NEK6: variants seen among roughly 807,000 people sequenced by gnomAD.
The protein encoded by NEK6 is serine/threonine-protein kinase Nek6.
In NEK6, 27 loss-of-function variants were observed where a neutral mutation model predicts 43.5. The ratio of observed to expected loss-of-function variants is 0.62; its 90% confidence interval spans 0.46 to 0.86. The LOEUF is 0.86. Among genes scored for constraint, NEK6 ranks in the 40% least tolerant of loss-of-function variants. The pLI, the probability that NEK6 is intolerant of heterozygous loss-of-function variation, is 0.00. For synonymous variants in NEK6, 167 were observed against 164.1 expected (o/e 1.02, Z -0.14); for missense variants, 318 against 414.4 (o/e 0.77, Z 2.02).
intron 7 of NEK6, among the ~76,000 whole-genome samples, chr9:124,329,992 A>G (rs1360889628): frequency 6.6e-6 from 1 of 152,200 alleles, no homozygotes; most frequent in Admixed American, 6.5e-5. Flanking sequence ...ACGTTGCCCC[A>G]GCAACCACCT....
At chr9:124,304,850 T>A (rs1833175034) in intron 2 of NEK6, among the ~76,000 whole-genome samples, 1 of 152,188 alleles carries the variant, frequency 6.6e-6, no homozygotes, top group South Asian at 2.1e-4. Flanking sequence ...CTGAACATAC[T>A]TGCTTTTATA....
chr9:124,274,654 G>A (rs1053916695), intron 1 of NEK6, among the ~76,000 whole-genome samples: 16 of 152,200 alleles, frequency 1.1e-4, no homozygotes, highest in African/African-American at 3.9e-4. Flanking sequence ...GCAGACATCT[G>A]GAGGGTTTTT....
chr9:124,341,068 G>C (rs538529954), intron 8 of NEK6, among the ~76,000 whole-genome samples: 1 of 152,178 alleles, frequency 6.6e-6, no homozygotes, highest in African/African-American at 2.4e-5. Flanking sequence ...TTGAGACAGA[G>C]TCTCACTCTT....
intron 1 of NEK6, among the ~76,000 whole-genome samples, chr9:124,274,214 A>G (rs919995354): frequency 2.0e-5 from 3 of 152,250 alleles, no homozygotes; most frequent in South Asian, 2.1e-4. Context: ...GGCCCATCCA[A>G]TCTGCTTCCT....
At chr9:124,296,719 C>T (rs903019780) in intron 1 of NEK6, among the ~76,000 whole-genome samples, 3 of 152,236 alleles carry the variant, frequency 2.0e-5, no homozygotes, top group Non-Finnish European at 4.4e-5. Context: ...GGTCCTTGGA[C>T]AGAGCCCTCC....
intron 8 of NEK6, among the ~76,000 whole-genome samples, chr9:124,345,253 G>A (rs948644507): frequency 1.3e-5 from 2 of 152,236 alleles, no homozygotes; most frequent in South Asian, 2.1e-4. Context: ...GTGGTCACTG[G>A]TAGAAGGAGA....
chr9:124,327,734 G>A (rs1828729900), intron 7 of NEK6, among the ~76,000 whole-genome samples: 1 of 152,198 alleles, frequency 6.6e-6, no homozygotes, highest in Admixed American at 6.5e-5. Flanking sequence ...GCACAGGGCG[G>A]TCATCTTCCC....
intron 7 of NEK6, among the ~76,000 whole-genome samples, chr9:124,328,253 G>T (rs775263017): frequency 6.6e-6 from 1 of 152,100 alleles, no homozygotes; most frequent in African/African-American, 2.4e-5. Context: ...GAGAACAAAG[G>T]AACCAAGAAA....
At position 124,311,611 on chromosome 9, in the gene NEK6, C is replaced by T. The variant is rs117284459; in HGVS notation, c.91-898C>T. Among the ~76,000 whole-genome samples the T allele has an allele frequency of 2.6e-5, 4 of 152,326 alleles. No individual in the cohort carries two copies. The East Asian group carries it at 5.8e-4, about 22-fold the overall frequency. ...TCATGTGTTCCAATGCTGGCCCCTGCAGAGTCTTTGTGGAGCTCTGGTTTC... is the reference window on the plus strand; with the variant it reads ...TCATGTGTTCCAATGCTGGCCCCTGTAGAGTCTTTGTGGAGCTCTGGTTTC... On this transcript the variant is annotated intron_variant, in intron 2 of 9. Transcript: ENST00000320246.
chr9:124,322,014 GAAA>G (rs1436728863), intron 5 of NEK6, among the ~76,000 whole-genome samples: 2 of 152,226 alleles, frequency 1.3e-5, no homozygotes, highest in East Asian at 3.8e-4. Context: ...CAGCTCTTGG[GAAA>G]GCATCTTGTA....
At chr9:124,281,643 G>A (rs1831917251) in intron 1 of NEK6, among the ~76,000 whole-genome samples, 1 of 151,900 alleles carries the variant, frequency 6.6e-6, no homozygotes, top group South Asian at 2.1e-4. Context: ...TGGGATTACA[G>A]GTGCCTGCCA....
rs186606962 is a variant in NEK6 at position 124,314,862 on chromosome 9, G to A, written c.294+877G>A. The stretch of plus-strand genomic sequence containing the variant: ...TTTAGTAGAGACAGCGTTTCACCAT[G>A]TTGACCAGCCTGGTCTCAACCTCCT... On this transcript the variant is annotated intron_variant, in intron 4 of 9. Coordinates refer to ENST00000320246, the MANE Select transcript of NEK6 (RefSeq NM_014397.6). Among the ~76,000 whole-genome samples the A allele has an allele frequency of 1.6e-3, 248 of 152,250 alleles. 2 individuals carry two copies. The highest frequency in any genetic ancestry group is 6.8e-3 in the Middle Eastern group (2 of 294).
At chr9:124,314,118 C>T (rs1833695653) in intron 4 of NEK6, 133 bp downstream of exon 4, 2 of 768,736 alleles carry the variant, frequency 2.6e-6, no homozygotes, top group Admixed American at 4.9e-5. Flanking sequence ...CAGACGATAG[C>T]TTTCTAGGGG....
chr9:124,304,690 T>C (rs1447159584), intron 2 of NEK6, among the ~76,000 whole-genome samples: 1 of 152,214 alleles, frequency 6.6e-6, no homozygotes, highest in African/African-American at 2.4e-5. Flanking sequence ...TACAACCACC[T>C]GAACTGTGGT....
At chr9:124,279,886 T>C (rs932902467) in intron 1 of NEK6, among the ~76,000 whole-genome samples, 4 of 152,240 alleles carry the variant, frequency 2.6e-5, no homozygotes, top group African/African-American at 9.6e-5. Context: ...GGGAAGGCCT[T>C]CTCTCTCTTG....
At chr9:124,289,811 C>A (rs916055072) in intron 1 of NEK6, among the ~76,000 whole-genome samples, 3 of 152,344 alleles carry the variant, frequency 2.0e-5, no homozygotes, top group East Asian at 1.9e-4. Context: ...TGGAGTCCAA[C>A]CCACTCATGT....
chr9:124,337,193 C>A (rs144941307), intron 7 of NEK6, among the ~76,000 whole-genome samples: 1 of 152,138 alleles, frequency 6.6e-6, no homozygotes, highest in Admixed American at 6.5e-5. Flanking sequence ...CATCTTTGCA[C>A]GGTTCCAGCT....
chr9:124,333,979 A>T (rs112845876), intron 7 of NEK6, among the ~76,000 whole-genome samples: 4 of 152,038 alleles, frequency 2.6e-5, no homozygotes, highest in East Asian at 1.9e-4. Context: ...GGGTTTCACC[A>T]TGTTAGCCAG....
intron 2 of NEK6, 98 bp from the exon 3 acceptor site, chr9:124,312,411 C>T (rs1833579695): frequency 7.3e-7 from 1 of 1,377,448 alleles, no homozygotes; most frequent in Non-Finnish European, 9.8e-7. Context: ...CCTCCTTCAC[C>T]TTAGAGGGTG....
Sources: gnomAD v4.1 joint callset for allele counts (sites outside exome capture counted in the v4.1 genomes callset) on GRCh38, gnomAD v4.1.1 for gene constraint, MANE v1.5 for transcripts, NCBI Gene and HGNC (gene_info 2026-07-23, HGNC 2026-07-21) for gene names.